The following RBFOX1 variants were observed in gnomAD, a reference collection of about 807,000 sequenced individuals.
The protein encoded by RBFOX1 is RNA binding fox-1 homolog 1, also known as RNA binding protein fox-1 homolog 1.
In RBFOX1, 8 loss-of-function variants were observed where a neutral mutation model predicts 57.7. The ratio of observed to expected loss-of-function variants is 0.14; its 90% CI spans 0.08 to 0.25. The LOEUF (loss-of-function observed/expected upper bound fraction) is 0.25, where lower values mean the gene tolerates loss of function less well. RBFOX1 is among the 10% of genes least tolerant of loss of function. The pLI is 1.00. For missense variants in RBFOX1, 611 were observed against 548.5 expected, an observed-to-expected ratio of 1.11 and a Z score of -1.14; for synonymous variants, 326 against 222.4, an observed-to-expected ratio of 1.47 and a Z score of -4.15.
intron 4 of RBFOX1, among the ~76,000 whole-genome samples, chr16:5,928,148 C>G (rs58007501): frequency 0.19 from 29,353 of 151,940 alleles, 3,052 homozygotes; most frequent in African/African-American, 0.26. Flanking sequence ...GGCTGGAGAA[C>G]AGTGGTGTGA....
chr16:7,634,790 C>T, intron 11 of RBFOX1, among the ~76,000 whole-genome samples: 1 of 152,196 alleles, frequency 6.6e-6, no homozygotes, highest in East Asian at 1.9e-4. Flanking sequence ...CATGCATCCT[C>T]TTACACGTCC....
At chr16:5,464,869 A>T (rs1288928602) in intron 1 of RBFOX1, among the ~76,000 whole-genome samples, 1 of 152,162 alleles carries the variant, frequency 6.6e-6, no homozygotes. Context: ...GTGTGGCTCT[A>T]GGAGCCCAGG....
At chr16:6,729,567 C>G (rs1402709679) in intron 3 of RBFOX1, among the ~76,000 whole-genome samples, 3 of 152,108 alleles carry the variant, frequency 2.0e-5, no homozygotes, top group African/African-American at 7.2e-5. Context: ...ACTTCTGTCT[C>G]TGGGAATATT....
intron 3 of RBFOX1, among the ~76,000 whole-genome samples, chr16:6,963,089 C>G (rs1034049745): frequency 1.3e-5 from 2 of 152,120 alleles, no homozygotes; most frequent in Non-Finnish European, 2.9e-5. Flanking sequence ...CACCTTCCCT[C>G]TCCTTTACTG....
At chr16:7,563,227 G>C (rs370931132) in intron 5 of RBFOX1, among the ~76,000 whole-genome samples, 1 of 152,144 alleles carries the variant, frequency 6.6e-6, no homozygotes, top group African/African-American at 2.4e-5. Context: ...CACTCTTCTC[G>C]ATGCTGGTTA....
chr16:7,710,891 T>C lies in RBFOX1; in HGVS notation c.*146T>C. The C allele has an allele frequency of 1.2e-6, 1 of 849,474 alleles. No individual in the cohort carries two copies. The highest frequency in any genetic ancestry group is 1.6e-6 in the Non-Finnish European group (1 of 620,306). 52.6% of individuals were successfully genotyped at this position (849,474 alleles called of 1,614,324 possible). The stretch of plus-strand genomic sequence containing the variant: ...AAAAAGGAAAAAAAATTACATTTTT[T>C]ATCTTATACCTCAGATATTTTGTTC... On this transcript the variant is annotated 3_prime_UTR_variant, in exon 16 of 16. Transcript: ENST00000550418.
intron 2 of RBFOX1, among the ~76,000 whole-genome samples, chr16:5,476,552 C>T (rs969765288): frequency 2.0e-5 from 3 of 152,226 alleles, no homozygotes; most frequent in African/African-American, 7.2e-5. Context: ...TCAGCCCTGG[C>T]ACTCACAGGT....
At chr16:5,630,270 AAC>A (rs1267805038) in intron 3 of RBFOX1, among the ~76,000 whole-genome samples, 1 of 152,154 alleles carries the variant, frequency 6.6e-6, no homozygotes, top group Admixed American at 6.5e-5. Flanking sequence ...CAGCCTGGGC[AAC>A]ATGGTGAAAC....
At chr16:6,696,074 G>C (rs1448618821) in intron 3 of RBFOX1, among the ~76,000 whole-genome samples, 2 of 152,168 alleles carry the variant, frequency 1.3e-5, no homozygotes. Context: ...CTAGAAAACT[G>C]TGAAAATTGA....
At chr16:6,459,738 A>T (rs913234023) in intron 2 of RBFOX1, among the ~76,000 whole-genome samples, 1 of 151,966 alleles carries the variant, frequency 6.6e-6, no homozygotes, top group Non-Finnish European at 1.5e-5. Context: ...GCACTTTGGG[A>T]GGCTGAGGTG....
chr16:5,748,279 A>C (rs1259517169), intron 3 of RBFOX1, among the ~76,000 whole-genome samples: 5 of 152,056 alleles, frequency 3.3e-5, no homozygotes, highest in African/African-American at 9.7e-5. Flanking sequence ...TTTGCTGAGG[A>C]GTGCTTTACT....
intron 1 of RBFOX1, among the ~76,000 whole-genome samples, chr16:5,427,174 C>T (rs1485948272): frequency 6.6e-6 from 1 of 152,208 alleles, no homozygotes; most frequent in African/African-American, 2.4e-5. Flanking sequence ...TGAGTGGGCT[C>T]ACCAGAGAAT....
At chr16:5,630,284 C>T (rs1374635028) in intron 3 of RBFOX1, among the ~76,000 whole-genome samples, 1 of 152,084 alleles carries the variant, frequency 6.6e-6, no homozygotes, top group African/African-American at 2.4e-5. Context: ...TGGTGAAACC[C>T]TGTGTCTACT....
intron 4 of RBFOX1, among the ~76,000 whole-genome samples, chr16:7,188,066 T>C (rs72636216): frequency 0.16 from 25,023 of 152,208 alleles, 2,196 homozygotes; most frequent in East Asian, 0.37. Flanking sequence ...TTTTCTCTGT[T>C]TCTCACATTT....
At chr16:6,931,338 T>TACACA (rs1360394265) in intron 3 of RBFOX1, among the ~76,000 whole-genome samples, 62 of 131,258 alleles carry the variant, frequency 4.7e-4, no homozygotes, top group African/African-American at 1.9e-3. Flanking sequence ...TCTATCTATC[T>TACACA]CTACACACAC....
chr16:7,550,189 C>A (rs112557607), intron 5 of RBFOX1, among the ~76,000 whole-genome samples: 2,177 of 152,222 alleles, frequency 0.014, 30 homozygotes, highest in Non-Finnish European at 0.02. Flanking sequence ...CCTCGGCCTC[C>A]CGAAGCACTG....
chr16:7,661,904 T>G (rs1037227543), intron 12 of RBFOX1, among the ~76,000 whole-genome samples: 2 of 152,230 alleles, frequency 1.3e-5, no homozygotes, highest in African/African-American at 4.8e-5. Flanking sequence ...GTTACCCTAC[T>G]GAGCAGAGAC....
chr16:5,726,941 C>G (rs573764219), intron 3 of RBFOX1, among the ~76,000 whole-genome samples: 2 of 152,176 alleles, frequency 1.3e-5, no homozygotes, highest in South Asian at 4.2e-4. Context: ...GGTGGGCACT[C>G]TTAGCCCTGG....
chr16:7,217,911 TG>T (rs1044680070), intron 4 of RBFOX1, among the ~76,000 whole-genome samples: 3 of 151,716 alleles, frequency 2.0e-5, no homozygotes, highest in African/African-American at 7.3e-5. Context: ...TGTGCATGTG[TG>T]TGTGTGAGTG....
Sources: gnomAD v4.1 joint callset for allele counts (sites outside exome capture counted in the v4.1 genomes callset) on GRCh38, gnomAD v4.1.1 for gene constraint, MANE v1.5 for transcripts, NCBI Gene and HGNC (gene_info 2026-07-23, HGNC 2026-07-21) for gene names.